PKP3: variants seen among roughly 807,000 people sequenced by gnomAD.
The protein encoded by PKP3 is plakophilin 3.
A neutral mutation model predicts 76.5 loss-of-function variants in PKP3; 66 were observed. That is an observed-to-expected ratio of 0.86 (90% CI 0.71 to 1.06). PKP3 has a LOEUF of 1.06. PKP3 is among the 50% of genes least tolerant of loss of function. The pLI, the probability that PKP3 is intolerant of heterozygous loss-of-function variation, is 0.00. For missense variants in PKP3, 1,338 were observed against 1,141.0 expected (o/e 1.17, Z -2.49); for synonymous variants, 638 against 516.5 (o/e 1.24, Z -3.19).
Position 397,257 on chromosome 11 carries a change from G to A in PKP3, c.756G>A (p.Gln252=), listed in dbSNP as rs759306890. The change falls in exon 3 of 13, where the codon CAG becomes CAA. Residue 252 remains glutamine, a synonymous_variant. Coordinates refer to ENST00000331563, the MANE Select transcript of PKP3 (RefSeq NM_007183.4). ...TIRAPAVRTL[Q]RFQSSHRSRG... is the part of the protein sequence containing the mutation. ...GTGCCCCTGCCGTGCGGACCCTGCA[G>A]CGATTCCAGAGCAGCCACCGGAGCC... 29 of 1,599,870 alleles carry A rather than the reference G, an allele frequency of 1.8e-5. No homozygotes were observed. The South Asian group carries it at 2.8e-4, about 15-fold the overall frequency.
upstream of PKP3, chr11:392,596 G>A (rs184673910): frequency 1.7e-3 from 2,145 of 1,227,498 alleles, 5 homozygotes; most frequent in Non-Finnish European, 2.0e-3. Flanking sequence ...TGTCCCCGCC[G>A]CAGAGGCTGC....
At position 404,039 on chromosome 11, in the gene PKP3, TCAA is replaced by T; in HGVS notation, c.2179_2181del (p.Asn727del). On this transcript the variant is annotated inframe_deletion, in exon 11 of 13. Transcript: ENST00000331563. The surrounding 1 kb of genome is among the most constrained non-coding windows in gnomAD (Gnocchi z 4.2). The stretch of plus-strand genomic sequence containing the variant: ...GTGCTGGTCAACATCATAGCTGTGC[TCAA>T]CAACCTGGTGGTGGCCAGCCCCATC... The T allele has an allele frequency of 6.2e-7, 1 of 1,612,502 alleles. No homozygotes were observed. The highest frequency in any genetic ancestry group is 8.5e-7 in the Non-Finnish European group (1 of 1,179,772).
chr11:404,378 CG>C lies in PKP3; in HGVS notation c.2358+60del. 1 of 1,531,960 alleles carries C rather than the reference CG, an allele frequency of 6.5e-7. No homozygotes were observed. Among genetic ancestry groups the C allele is most frequent in the Non-Finnish European group, 9.0e-7 (1 of 1,106,748 alleles). 94.9% of individuals were successfully genotyped at this position (1,531,960 alleles called of 1,614,324 possible). On this transcript the variant is annotated intron_variant, in intron 12 of 12. Coordinates refer to ENST00000331563, the MANE Select transcript of PKP3 (RefSeq NM_007183.4). The surrounding 1 kb of genome is among the most constrained non-coding windows in gnomAD (Gnocchi z 4.2). ...GACCCGGGTGCAGGGCATGGGACGC[CG>C]GGGGAGGGTCAGTGAAGAGGCCCAT... is the stretch of plus-strand genomic sequence containing the variant.
At position 404,760 on chromosome 11, in the gene PKP3, T is replaced by G; in HGVS notation, c.*191T>G. On this transcript the variant is annotated 3_prime_UTR_variant, in exon 13 of 13. Coordinates refer to ENST00000331563, the MANE Select transcript of PKP3 (RefSeq NM_007183.4). This position sits in a 1 kb window ranked among gnomAD's most constrained non-coding sequence, Gnocchi z 4.2. Reference sequence around the variant, plus strand: ...GGGTCTTATAGCTGGGGACTTGGCTTCCGCAGGGCAGGGGGTGGGGCAGGG... The same window carrying G: ...GGGTCTTATAGCTGGGGACTTGGCTGCCGCAGGGCAGGGGGTGGGGCAGGG... 1 of 599,388 alleles carries G rather than the reference T, an allele frequency of 1.7e-6. No homozygotes were observed. Among genetic ancestry groups the G allele is most frequent in the Non-Finnish European group, 3.0e-6 (1 of 336,732 alleles). The allele number at this position is 599,388 out of a possible 1,614,324, so 37.1% of individuals were successfully genotyped here.
At chr11:392,716 T>C, upstream of PKP3, 2 of 1,279,774 alleles carry the variant, frequency 1.6e-6, no homozygotes, top group Non-Finnish European at 2.0e-6. Context: ...CGGGTAGGTC[T>C]CCCACCCCTT....
chr11:395,336 A>G (rs1296168581), intron 1 of PKP3, among the ~76,000 whole-genome samples: 1 of 152,118 alleles, frequency 6.6e-6, no homozygotes, highest in Non-Finnish European at 1.5e-5. Context: ...TGGTGTTTAG[A>G]GGGGCCTTCC....
rs775989349 is a variant in PKP3, at chr11:394,259, G to A, written c.-34G>A. The A allele has an allele frequency of 1.6e-5, 23 of 1,464,556 alleles. No individual in the cohort carries two copies. In the Admixed American group the frequency reaches 2.5e-4, roughly 16 times the overall value. 90.7% of individuals were successfully genotyped at this position (1,464,556 alleles called of 1,614,324 possible). ...CGTGAAGATAGTTGGGTTTGGAGGC[G>A]GCCGCCAGGCCCAGGCCCGGTGGAC... is the stretch of plus-strand genomic sequence containing the variant. On this transcript the variant is annotated 5_prime_UTR_variant, in exon 1 of 13. Transcript: ENST00000331563.
rs898161217 is a variant in PKP3, at chr11:394,380, C to T, written c.88C>T (p.Arg30Cys). 26 of 1,494,026 alleles carry T rather than the reference C, an allele frequency of 1.7e-5. No individual in the cohort carries two copies. The highest frequency in any genetic ancestry group is 6.3e-5 in the South Asian group (5 of 79,784). The allele number at this position is 1,494,026 out of a possible 1,614,324, so 92.5% of individuals were successfully genotyped here. ...LALPSDLQLD[R>C]RGAEGPEAER... ...GCTGCCCTCTGACCTGCAGCTGGACCGCCGGGGCGCCGAGGGGCCGGAGGC... is the reference window on the plus strand; with the variant it reads ...GCTGCCCTCTGACCTGCAGCTGGACTGCCGGGGCGCCGAGGGGCCGGAGGC... Residue 30 changes from arginine (R) to cysteine (C), a missense_variant, in exon 1 of 13, where the codon CGC becomes TGC. Coordinates refer to ENST00000331563, the MANE Select transcript of PKP3 (RefSeq NM_007183.4).
chr11:397,969 G>A (rs531534113), intron 4 of PKP3, among the ~76,000 whole-genome samples: 7 of 66,220 alleles, frequency 1.1e-4, no homozygotes, highest in South Asian at 4.9e-4. Flanking sequence ...ACACACCTCC[G>A]TCACCTCCGT....
Position 397,673 on chromosome 11 carries a change from C to T in PKP3, c.1068+11C>T, listed in dbSNP as rs370191440. On this transcript the variant is annotated intron_variant, in intron 4 of 12. Transcript: ENST00000331563. ...GCCGCCAAGAAGCAGGTGACCACCC[C>T]GACCACCCACTCGCTGCCCCCTGGT... is the stretch of plus-strand genomic sequence containing the variant. 1.6e-4 allele frequency: 252 copies of T among 1,607,986 alleles called. No individual in the cohort carries two copies. Among genetic ancestry groups the T allele is most frequent in the South Asian group, 1.4e-3 (126 of 90,650 alleles).
In PKP3 at chr11:394,235, G is replaced by T; in HGVS notation, c.-58G>T. On this transcript the variant is annotated 5_prime_UTR_variant, in exon 1 of 13. Coordinates refer to ENST00000331563, the MANE Select transcript of PKP3 (RefSeq NM_007183.4). ...GGGAGAGGGCCTCGAGGGACAGGAC[G>T]TGAAGATAGTTGGGTTTGGAGGCGG... The T allele has an allele frequency of 1.4e-6, 2 of 1,438,200 alleles. No individual in the cohort carries two copies. The highest frequency in any genetic ancestry group is 1.8e-6 in the Non-Finnish European group (2 of 1,101,416). 89.1% of individuals were successfully genotyped at this position (1,438,200 alleles called of 1,614,324 possible). A position where few individuals can be genotyped will look rare whatever the true frequency, so the allele number is the denominator to read the frequency against.
chr11:404,750 G>A lies in PKP3; in HGVS notation c.*181G>A. On this transcript the variant is annotated 3_prime_UTR_variant, in exon 13 of 13. Coordinates refer to ENST00000331563, the MANE Select transcript of PKP3 (RefSeq NM_007183.4). The surrounding 1 kb of genome is among the most constrained non-coding windows in gnomAD (Gnocchi z 4.2). Reference sequence around the variant, plus strand: ...AGGAGGGGCAGGGTCTTATAGCTGGGGACTTGGCTTCCGCAGGGCAGGGGG... The same window carrying A: ...AGGAGGGGCAGGGTCTTATAGCTGGAGACTTGGCTTCCGCAGGGCAGGGGG... The A allele has an allele frequency of 1.6e-6, 1 of 612,612 alleles. No individual in the cohort carries two copies. 37.9% of individuals were successfully genotyped at this position (612,612 alleles called of 1,614,324 possible).
In PKP3 at chr11:404,635, G is replaced by C; in HGVS notation, c.*66G>C. ...CAAGGGACAGACTCAGCTCCAGGCT[G>C]CTTGGCAGCCCAGCCTGGAGGAGAA... On this transcript the variant is annotated 3_prime_UTR_variant, in exon 13 of 13. Coordinates refer to ENST00000331563, the MANE Select transcript of PKP3 (RefSeq NM_007183.4). This position sits in a 1 kb window ranked among gnomAD's most constrained non-coding sequence, Gnocchi z 4.2. 1 of 1,519,402 alleles carries C rather than the reference G, an allele frequency of 6.6e-7. No homozygotes were observed. The highest frequency in any genetic ancestry group is 1.4e-5 in the African/African-American group (1 of 73,182). 94.1% of individuals were successfully genotyped at this position (1,519,402 alleles called of 1,614,324 possible).
chr11:394,555 G>A (rs1490823503), intron 1 of PKP3, 31 bp downstream of exon 1: 23 of 1,351,328 alleles, frequency 1.7e-5, no homozygotes, highest in Middle Eastern at 2.7e-4. Context: ...CGGGGATGGC[G>A]GTGGCGGGGA....
chr11:400,703 G>C lies in PKP3; in HGVS notation c.1735G>C (p.Glu579Gln), dbSNP rs1202416414. 3.5e-5 allele frequency: 44 copies of C among 1,261,706 alleles called. No homozygotes were observed. Among genetic ancestry groups the C allele is most frequent in the Non-Finnish European group, 4.3e-5 (43 of 999,934 alleles). The allele number at this position is 1,261,706 out of a possible 1,614,324, so 78.2% of individuals were successfully genotyped here. The change falls in exon 8 of 13, where the codon GAG (glutamate) becomes CAG (glutamine). Residue 579 changes from glutamate (E) to glutamine (Q), a missense_variant and splice_region_variant. Physicochemically the swap from Glu to Gln is conservative, Grantham distance 29 (BLOSUM62 2). Transcript: ENST00000331563. ...CACGCCGCAGAGCCGGCGGCTGCGC[G>C]AGGTGGGCACCAGCCTGAGCGGGGC... ...CFTPQSRRLR[E>Q]LPLAADALTF...
At chr11:394,017 G>T, upstream of PKP3, 1 of 423,378 alleles carries the variant, frequency 2.4e-6, no homozygotes, top group Non-Finnish European at 4.2e-6. Context: ...TGGGATGGGA[G>T]AAAAGGAGGC....
At chr11:403,452 G>C (rs147034470) in intron 9 of PKP3, among the ~76,000 whole-genome samples, 166 bp from the exon 10 acceptor site, 1 of 152,132 alleles carries the variant, frequency 6.6e-6, no homozygotes, top group Non-Finnish European at 1.5e-5. Flanking sequence ...TTGAAGGGAG[G>C]CACCTGATCC....
Position 398,974 on chromosome 11 carries a change from A to G in PKP3, c.1069-18A>G. ...CATCCACATGCGTCTGTGCACCCCCATATGCCTGTGCCCGCAGGCCCGCAG... is the reference window on the plus strand; with the variant it reads ...CATCCACATGCGTCTGTGCACCCCCGTATGCCTGTGCCCGCAGGCCCGCAG... On this transcript the variant is annotated intron_variant, in intron 4 of 12. Transcript: ENST00000331563. 2 of 1,544,278 alleles carry G rather than the reference A, an allele frequency of 1.3e-6. No homozygotes were observed. Among genetic ancestry groups the G allele is most frequent in the African/African-American group, 1.4e-5 (1 of 73,556 alleles).
rs1373743300 is a variant in PKP3, at chr11:403,090, G to A, written c.1750G>A (p.Ala584Thr). 5.6e-6 allele frequency: 8 copies of A among 1,434,096 alleles called. No individual in the cohort carries two copies. The highest frequency in any genetic ancestry group is 4.7e-5 in the Admixed American group (2 of 42,524). 88.8% of individuals were successfully genotyped at this position (1,434,096 alleles called of 1,614,324 possible). ...SRRLRELPLAADALTFAEVSK... is the reference protein window; with the variant it reads ...SRRLRELPLATDALTFAEVSK... ...CCGCCCTGCGCAGCTGCCCCTCGCC[G>A]CCGATGCGCTCACCTTCGCGGAGGT... Residue 584 changes from alanine to threonine, a missense_variant, in exon 9 of 13, where the codon GCC (alanine) becomes ACC (threonine). By Grantham distance (58) the Ala-to-Thr change is moderately conservative (BLOSUM62 0). Transcript: ENST00000331563.
Sources: allele counts gnomAD v4.1 joint callset (sites outside exome capture counted in the v4.1 genomes callset), GRCh38; gene constraint gnomAD v4.1.1; non-coding constraint Gnocchi (gnomAD v3.1); transcripts MANE v1.5; gene names NCBI Gene and HGNC (gene_info 2026-07-23, HGNC 2026-07-21).